The following XRRA1 variants were observed in gnomAD, a reference collection of about 807,000 sequenced individuals.
XRRA1 encodes the protein X-ray radiation resistance-associated protein 1.
XRRA1 carries 69 observed loss-of-function variants against 80.2 expected under a neutral mutation model. That is an observed-to-expected ratio of 0.86 (90% CI 0.71 to 1.05). The LOEUF (loss-of-function observed/expected upper bound fraction) is 1.05. XRRA1 is among the 50% of genes least tolerant of loss of function. The pLI, the probability that XRRA1 is intolerant of heterozygous loss-of-function variation, is 0.00. For synonymous variants in XRRA1, 348 were observed against 389.9 expected, an observed-to-expected ratio of 0.89 and a Z score of 1.27; for missense variants, 967 against 976.4, an observed-to-expected ratio of 0.99 and a Z score of 0.13.
intron 10 of XRRA1, among the ~76,000 whole-genome samples, chr11:74,901,026 G>C (rs887407076): frequency 2.6e-5 from 4 of 152,172 alleles, no homozygotes; most frequent in African/African-American, 9.7e-5. Context: ...CCTGTTTGCA[G>C]ATGATATGAT....
intron 6 of XRRA1, 102 bp downstream of exon 6, chr11:74,930,198 G>T: frequency 1.0e-6 from 1 of 979,890 alleles, no homozygotes; most frequent in Non-Finnish European, 1.6e-6. Flanking sequence ...AAAAAGAGAT[G>T]TGTGGCCAAT....
intron 11 of XRRA1, among the ~76,000 whole-genome samples, chr11:74,860,351 C>T (rs1263952129): frequency 6.6e-6 from 1 of 152,176 alleles, no homozygotes; most frequent in Admixed American, 6.5e-5. Context: ...GCAGTATCCT[C>T]CACTATGTAA....
intron 10 of XRRA1, among the ~76,000 whole-genome samples, chr11:74,882,878 C>T (rs1189313019): frequency 6.6e-6 from 1 of 152,222 alleles, no homozygotes; most frequent in Non-Finnish European, 1.5e-5. Context: ...TCTCAGATCT[C>T]CAGCTGCATG....
At chr11:74,863,921 C>G (rs1036548667) in intron 10 of XRRA1, 1 of 152,110 alleles carries the variant, frequency 6.6e-6, no homozygotes, top group African/African-American at 2.4e-5. Flanking sequence ...CCCTAGAAAA[C>G]AACAGCACCT....
intron 10 of XRRA1, among the ~76,000 whole-genome samples, chr11:74,883,697 C>T (rs1485293128): frequency 1.3e-5 from 2 of 152,166 alleles, no homozygotes; most frequent in African/African-American, 4.8e-5. Context: ...CCAGAAGGAG[C>T]CTTAGCTGCT....
chr11:74,887,499 C>CAGCACCA (rs2049333479), intron 10 of XRRA1, among the ~76,000 whole-genome samples: 1 of 152,190 alleles, frequency 6.6e-6, no homozygotes, highest in South Asian at 2.1e-4. Flanking sequence ...GCATGAGCGA[C>CAGCACCA]GCAGAACACA....
intron 1 of XRRA1, among the ~76,000 whole-genome samples, chr11:74,948,667 G>A (rs916864626): frequency 3.3e-5 from 5 of 152,154 alleles, no homozygotes; most frequent in African/African-American, 9.7e-5. Flanking sequence ...CAGGGCTGTT[G>A]TGGGACTCAG....
intron 10 of XRRA1, chr11:74,863,334 A>G: frequency 2.6e-6 from 1 of 377,688 alleles, no homozygotes; most frequent in South Asian, 3.4e-5. Flanking sequence ...TTTCAGCCAC[A>G]CTGACTGACC....
chr11:74,882,975 C>T (rs915264427), intron 10 of XRRA1, among the ~76,000 whole-genome samples: 1 of 152,186 alleles, frequency 6.6e-6, no homozygotes, highest in African/African-American at 2.4e-5. Context: ...TTTGTCTGTG[C>T]CCTGCCCCCA....
Position 74,844,186 on chromosome 11 carries a change from A to G in XRRA1, c.2025T>C (p.Tyr675=), listed in dbSNP as rs765358616. Residue 675 remains tyrosine, a synonymous_variant, in exon 17 of 19, where the codon TAT becomes TAC. Transcript: ENST00000684022. The stretch of plus-strand genomic sequence containing the variant: ...TGTTTACCCGTTTCTCTTTGTGAAC[A>G]TAGGGTTTCTGAAGAGTGTCCAGCT... ...KPKLDTLQKP[Y]VHKEKRAQRI... is the part of the protein sequence containing the mutation. 2 of 1,613,920 alleles carry G rather than the reference A, an allele frequency of 1.2e-6. No individual in the cohort carries two copies. Among genetic ancestry groups the G allele is most frequent in the Admixed American group, 1.7e-5 (1 of 60,026 alleles).
At chr11:74,866,739 G>C (rs2043518956) in intron 10 of XRRA1, among the ~76,000 whole-genome samples, 1 of 150,966 alleles carries the variant, frequency 6.6e-6, no homozygotes, top group African/African-American at 2.4e-5. Context: ...ATCAACAGCA[G>C]AATTAATCAA....
chr11:74,885,774 A>G, intron 10 of XRRA1, among the ~76,000 whole-genome samples: 1 of 152,236 alleles, frequency 6.6e-6, no homozygotes, highest in South Asian at 2.1e-4. Flanking sequence ...ACAAAATTTC[A>G]GGCCAATATC....
chr11:74,890,121 C>T (rs1565335319), intron 10 of XRRA1, among the ~76,000 whole-genome samples: 1 of 152,226 alleles, frequency 6.6e-6, no homozygotes, highest in Non-Finnish European at 1.5e-5. Context: ...TCACACCACA[C>T]TTATTTCAAA....
At chr11:74,915,609 C>A (rs977171707) in intron 8 of XRRA1, among the ~76,000 whole-genome samples, 92 of 152,166 alleles carry the variant, frequency 6.0e-4, no homozygotes, top group African/African-American at 1.9e-3. Flanking sequence ...CTTTAAAAAG[C>A]AGCAGCAAGT....
chr11:74,843,771 G>T, intron 18 of XRRA1, 83 bp downstream of exon 18: 1 of 1,269,850 alleles, frequency 7.9e-7, no homozygotes, highest in Non-Finnish European at 1.1e-6. Flanking sequence ...GGCCTTTCCT[G>T]CACTGACACA....
rs752599031 is a variant in XRRA1, at chr11:74,848,454, G to A, written c.1389C>T (p.Ser463=). 81 of 1,606,190 alleles carry A rather than the reference G, an allele frequency of 5.0e-5. No individual in the cohort carries two copies. Among genetic ancestry groups the A allele is most frequent in the Middle Eastern group, 5.0e-4 (3 of 6,042 alleles). ...MSRKESWKVK[S]EIPKVPKQPL... Reference sequence around the variant, plus strand: ...GCTGCTTCGGCACCTTTGGGATTTCGCTTTTCACCTGTCATGGAGAAGGGC... The same window carrying A: ...GCTGCTTCGGCACCTTTGGGATTTCACTTTTCACCTGTCATGGAGAAGGGC... The change falls in exon 15 of 19, where the codon AGC becomes AGT. Residue 463 remains serine, a synonymous_variant. Transcript: ENST00000684022.
At chr11:74,943,499 G>A (rs1178962167) in intron 2 of XRRA1, among the ~76,000 whole-genome samples, 2 of 150,316 alleles carry the variant, frequency 1.3e-5, no homozygotes, top group Non-Finnish European at 3.0e-5. Context: ...GAAGAAAGCT[G>A]GAGGCGAGGG....
At chr11:74,880,791 C>G (rs989907841) in intron 10 of XRRA1, among the ~76,000 whole-genome samples, 9 of 151,614 alleles carry the variant, frequency 5.9e-5, no homozygotes, top group African/African-American at 1.7e-4. Flanking sequence ...ATTCTTAATC[C>G]TGAGTTCCAG....
chr11:74,921,311 C>G lies in XRRA1; in HGVS notation c.559G>C (p.Ala187Pro), dbSNP rs1466001528. ...GGCAGAATCCCCAAATCACAGATGG[C>G]CTCCACAGTCAGGCTGTTGAAGGAA... ...DLSFNSLTVEAICDLGILPHL... is the reference protein window; with the variant it reads ...DLSFNSLTVEPICDLGILPHL... Residue 187 changes from alanine to proline, a missense_variant, in exon 8 of 19, where the codon GCC becomes CCC. Coordinates refer to ENST00000684022, the MANE Select transcript of XRRA1 (RefSeq NM_001378157.1). The G allele has an allele frequency of 3.1e-6, 5 of 1,613,794 alleles. No homozygotes were observed. The highest frequency in any genetic ancestry group is 4.2e-6 in the Non-Finnish European group (5 of 1,179,876).
Sources: allele counts gnomAD v4.1 joint callset (sites outside exome capture counted in the v4.1 genomes callset), GRCh38; gene constraint gnomAD v4.1.1; transcripts MANE v1.5; gene names NCBI Gene and HGNC (gene_info 2026-07-23, HGNC 2026-07-21).